The following ZBTB7C variants were observed in gnomAD, a reference collection of about 807,000 sequenced individuals.
ZBTB7C encodes zinc finger and BTB domain containing 7C, also known as zinc finger and BTB domain-containing protein 7C.
A neutral mutation model predicts 25.7 loss-of-function variants in ZBTB7C; 8 were observed. The observed-to-expected ratio is 0.31, with a 90% confidence interval of 0.18 to 0.56. ZBTB7C has a LOEUF of 0.56. Among genes scored for constraint, ZBTB7C ranks in the 20% least tolerant of loss-of-function variants. ZBTB7C has a pLI of 0.91. For synonymous variants in ZBTB7C, 394 were observed against 369.0 expected (o/e 1.07, Z -0.78); for missense variants, 824 against 855.2 (o/e 0.96, Z 0.46).
At chr18:48,198,390 T>G (rs567901780) in intron 2 of ZBTB7C, among the ~76,000 whole-genome samples, 70 of 152,298 alleles carry the variant, frequency 4.6e-4, no homozygotes, top group Non-Finnish European at 8.5e-4. Context: ...ACAAACCAAG[T>G]GGCATAAGAC....
intron 1 of ZBTB7C, among the ~76,000 whole-genome samples, chr18:48,343,533 G>T (rs969684982): frequency 1.2e-4 from 18 of 152,150 alleles, no homozygotes; most frequent in African/African-American, 3.4e-4. Flanking sequence ...TCTGGAGGCC[G>T]CATTGCTGGC....
intron 3 of ZBTB7C, among the ~76,000 whole-genome samples, chr18:48,055,309 C>G (rs1037344332): frequency 8.7e-5 from 13 of 149,490 alleles, no homozygotes; most frequent in Non-Finnish European, 1.9e-4. Flanking sequence ...ACTCGGAAGG[C>G]TGAGGCAGGA....
rs1354819775 is a variant in ZBTB7C at position 48,403,781 on chromosome 18, T to C, written c.-304+5445A>G. 2.0e-5 allele frequency among the ~76,000 whole-genome samples: 3 copies of C among 152,156 alleles called. No individual in the cohort carries two copies. The East Asian group carries it at 5.8e-4, about 29-fold the overall frequency. On this transcript the variant is annotated intron_variant, in intron 1 of 4. Transcript: ENST00000590800. ...TCTCAGTAAGCACCACTAAAGAACT[T>C]ACTCATGTAACCAAATACCACCTGT...
At chr18:48,251,740 C>A (rs541793503) in intron 2 of ZBTB7C, among the ~76,000 whole-genome samples, 1 of 152,308 alleles carries the variant, frequency 6.6e-6, no homozygotes, top group Admixed American at 6.5e-5. Context: ...GTGGACTATG[C>A]AAACGTCACA....
intron 2 of ZBTB7C, among the ~76,000 whole-genome samples, chr18:48,287,633 T>C (rs1017114662): frequency 9.9e-5 from 15 of 152,134 alleles, no homozygotes; most frequent in African/African-American, 3.6e-4. Flanking sequence ...GCCAATCTCA[T>C]TCATGAATAA....
chr18:48,077,031 T>C (rs1358188143), intron 3 of ZBTB7C: 8 of 905,390 alleles, frequency 8.8e-6, no homozygotes, highest in Non-Finnish European at 1.0e-5. Context: ...AGGAAGAGAA[T>C]AGAAAGAAAT....
Position 48,241,362 on chromosome 18 carries a change from G to A in ZBTB7C, c.-78-55367C>T, listed in dbSNP as rs576193904. Among the ~76,000 whole-genome samples, 13 of 152,252 alleles carry A rather than the reference G, an allele frequency of 8.5e-5. No individual in the cohort carries two copies. In the East Asian group the frequency reaches 2.3e-3, roughly 27 times the overall value. On this transcript the variant is annotated intron_variant, in intron 2 of 4. Transcript: ENST00000590800. ...CCTAGAACAAATGGTGGACTTAACA[G>A]ATATTTACAGAACGCTCTACCCAAC...
intron 3 of ZBTB7C, chr18:48,162,394 G>T (rs1431578535): frequency 2.2e-6 from 1 of 456,666 alleles, no homozygotes; most frequent in Admixed American, 2.3e-5. Flanking sequence ...CTCAGTTGTT[G>T]CATCTGTAAA....
At chr18:48,037,181 A>T (rs1004946773) in intron 4 of ZBTB7C, among the ~76,000 whole-genome samples, 1 of 152,196 alleles carries the variant, frequency 6.6e-6, no homozygotes, top group African/African-American at 2.4e-5. Flanking sequence ...AGGGTCAGAG[A>T]CCAGTGGGAA....
intron 3 of ZBTB7C, among the ~76,000 whole-genome samples, chr18:48,051,485 T>C (rs1489494769): frequency 6.6e-6 from 1 of 152,164 alleles, no homozygotes; most frequent in Admixed American, 6.5e-5. Context: ...AAGGGGTGGC[T>C]TGGAGCCTTT....
At chr18:48,033,440 G>A (rs1464080072) in intron 4 of ZBTB7C, among the ~76,000 whole-genome samples, 1 of 152,198 alleles carries the variant, frequency 6.6e-6, no homozygotes, top group African/African-American at 2.4e-5. Context: ...AGAGGGCACC[G>A]GTAGCCAGCT....
intron 2 of ZBTB7C, among the ~76,000 whole-genome samples, chr18:48,295,980 G>C (rs760616221): frequency 6.6e-6 from 1 of 152,184 alleles, no homozygotes; most frequent in East Asian, 1.9e-4. Context: ...TCCCGGGCTC[G>C]GTCATCTCCA....
chr18:48,269,783 C>T (rs191602660), intron 2 of ZBTB7C, among the ~76,000 whole-genome samples: 35 of 152,286 alleles, frequency 2.3e-4, no homozygotes, highest in Non-Finnish European at 3.8e-4. Context: ...TCACTTTGAT[C>T]GGCAAATGGT....
At chr18:48,110,424 G>A (rs1407556594) in intron 3 of ZBTB7C, among the ~76,000 whole-genome samples, 1 of 152,154 alleles carries the variant, frequency 6.6e-6, no homozygotes. Context: ...ATGATCTTTA[G>A]GGAGCTAATT....
chr18:48,241,068 T>C (rs1292221632), intron 2 of ZBTB7C, among the ~76,000 whole-genome samples: 1 of 151,816 alleles, frequency 6.6e-6, no homozygotes, highest in African/African-American at 2.4e-5. Flanking sequence ...TCAGACAAGA[T>C]AGCCTTTAAA....
At chr18:48,201,610 G>T (rs577788968) in intron 2 of ZBTB7C, among the ~76,000 whole-genome samples, 2 of 151,606 alleles carry the variant, frequency 1.3e-5, no homozygotes, top group Non-Finnish European at 2.9e-5. Context: ...CTCTCCTCCT[G>T]CCTCTTTCCC....
intron 1 of ZBTB7C, among the ~76,000 whole-genome samples, chr18:48,391,285 G>T (rs1423798354): frequency 6.6e-6 from 1 of 152,162 alleles, no homozygotes; most frequent in Non-Finnish European, 1.5e-5. Flanking sequence ...ATGTCTCTCA[G>T]TCTTCTTTAT....
At chr18:48,148,838 C>A (rs535897132) in intron 3 of ZBTB7C, 1 of 152,152 alleles carries the variant, frequency 6.6e-6, no homozygotes, top group African/African-American at 2.4e-5. Context: ...TAATGAGACC[C>A]GCCTTATTTT....
At chr18:48,380,657 G>A (rs946360616) in intron 1 of ZBTB7C, among the ~76,000 whole-genome samples, 2 of 152,162 alleles carry the variant, frequency 1.3e-5, no homozygotes, top group African/African-American at 4.8e-5. Context: ...CAGCCAAGAA[G>A]AGTCTAAGGA....
Sources: gnomAD v4.1 joint callset for allele counts (sites outside exome capture counted in the v4.1 genomes callset) on GRCh38, gnomAD v4.1.1 for gene constraint, MANE v1.5 for transcripts, NCBI Gene and HGNC (gene_info 2026-07-23, HGNC 2026-07-21) for gene names.